Variants in ZNF546 observed in about 807,000 individuals in gnomAD.
ZNF546 encodes CTC-471F3.6.
In ZNF546, 60 loss-of-function variants were observed where a neutral mutation model predicts 76.2. The ratio of observed to expected loss-of-function variants is 0.79; its 90% CI spans 0.64 to 0.98. The LOEUF is 0.98. Ranked by LOEUF, ZNF546 falls within the 50% of genes least tolerant of loss-of-function variation. The pLI is 0.00. For synonymous variants in ZNF546, 277 were observed against 328.1 expected, an observed-to-expected ratio of 0.84 and a Z score of 1.68; for missense variants, 936 against 1,035.6, an observed-to-expected ratio of 0.90 and a Z score of 1.32.
Position 40,014,803 on chromosome 19 carries a change from T to C in ZNF546, c.1533T>C (p.His511=), listed in dbSNP as rs775895021. 3 of 1,611,616 alleles carry C rather than the reference T, an allele frequency of 1.9e-6. No homozygotes were observed. The highest frequency in any genetic ancestry group is 1.7e-5 in the Admixed American group (1 of 59,756). Residue 511 remains histidine, a synonymous_variant, in exon 7 of 7, where the codon CAT becomes CAC. Transcript: ENST00000347077. Reference sequence around the variant, plus strand: ...GAAAAACCTTCAGTAGTCGCTATCATCTCACTCAACACTACAGAATTCATA... The same window carrying C: ...GAAAAACCTTCAGTAGTCGCTATCACCTCACTCAACACTACAGAATTCATA... ...ECGKTFSSRY[H]LTQHYRIHTG...
Position 40,020,123 on chromosome 19 carries a change from G to A in ZNF546, c.*4342G>A, listed in dbSNP as rs1201928447. 2.0e-5 allele frequency: 3 copies of A among 152,126 alleles called. No individual in the cohort carries two copies. Among genetic ancestry groups the A allele is most frequent in the South Asian group, 2.1e-4 (1 of 4,818 alleles). The allele number at this position is 152,126 out of a possible 1,614,324, so 9.4% of individuals were successfully genotyped here. A position where few individuals can be genotyped will look rare whatever the true frequency, so the allele number is the denominator to read the frequency against. ...TAGATTTAATGGCATGTAGGGGTTT[G>A]CGTGAATATATACAGTTGAAATTCA... On this transcript the variant is annotated 3_prime_UTR_variant, in exon 7 of 7. Transcript: ENST00000347077.
Position 40,014,739 on chromosome 19 carries a change from C to T in ZNF546, c.1469C>T (p.Thr490Ile). Residue 490 changes from threonine (T) to isoleucine (I), a missense_variant, in exon 7 of 7, where the codon ACT (threonine) becomes ATT (isoleucine). Thr to Ile is a moderately conservative substitution (Grantham distance 89, BLOSUM62 -1). Coordinates refer to ENST00000347077, the MANE Select transcript of ZNF546 (RefSeq NM_178544.5). ...CGYQLTLHLR[T>I]HTGEIPYECK... ...TATCAACTTACTTTACATCTGAGAA[C>T]TCACACCGGTGAGATTCCCTATGAA... 1 of 1,610,062 alleles carries T rather than the reference C, an allele frequency of 6.2e-7. No individual in the cohort carries two copies. The highest frequency in any genetic ancestry group is 8.5e-7 in the Non-Finnish European group (1 of 1,178,962).
At chr19:40,011,578 A>C (rs538448114) in intron 6 of ZNF546, among the ~76,000 whole-genome samples, 1 of 152,288 alleles carries the variant, frequency 6.6e-6, no homozygotes, top group Admixed American at 6.5e-5. Flanking sequence ...ATTGTACACA[A>C]ACTCTTCCAG....
intron 4 of ZNF546, 72 bp downstream of exon 4, chr19:40,006,254 T>A: frequency 7.3e-7 from 1 of 1,366,022 alleles, no homozygotes; most frequent in South Asian, 1.2e-5. Flanking sequence ...CTCGTTATCT[T>A]GAGACTTCCT....
In ZNF546 at chr19:40,016,591, GT is replaced by G. The variant is rs1247803010; in HGVS notation, c.*816del. The G allele has an allele frequency of 6.6e-6, 1 of 152,080 alleles. No individual in the cohort carries two copies. Among genetic ancestry groups the G allele is most frequent in the Non-Finnish European group, 1.5e-5 (1 of 67,998 alleles). 9.4% of individuals were successfully genotyped at this position (152,080 alleles called of 1,614,324 possible). On this transcript the variant is annotated 3_prime_UTR_variant, in exon 7 of 7. Coordinates refer to ENST00000347077, the MANE Select transcript of ZNF546 (RefSeq NM_178544.5). ...ACAGACATACAAAATAAAAGCCCCA[GT>G]TTTTTATTATGGTATTTAACTGAGT...
Position 40,014,994 on chromosome 19 carries a change from A to G in ZNF546, c.1724A>G (p.His575Arg), listed in dbSNP as rs1266183366. 6.2e-7 allele frequency: 1 copy of G among 1,614,026 alleles called. No individual in the cohort carries two copies. Among genetic ancestry groups the G allele is most frequent in the Non-Finnish European group, 8.5e-7 (1 of 1,179,998 alleles). ...CAATTTATTTCACACCAGCGAATTC[A>G]CACCAGTGAGAGCACCTACATATGT... ...SNQFISHQRIHTSESTYICKE... is the reference protein window; with the variant it reads ...SNQFISHQRIRTSESTYICKE... Residue 575 changes from histidine (H) to arginine (R), a missense_variant, in exon 7 of 7, where the codon CAC (histidine) becomes CGC (arginine). Transcript: ENST00000347077.
chr19:40,001,616 C>A (rs1346119715), intron 3 of ZNF546, among the ~76,000 whole-genome samples: 1 of 152,116 alleles, frequency 6.6e-6, no homozygotes, highest in Admixed American at 6.5e-5. Flanking sequence ...CCCACCTCAG[C>A]CTCCCAAAGT....
chr19:40,013,526 C>T (rs1971697687), intron 6 of ZNF546, 139 bp from the exon 7 acceptor site: 2 of 788,210 alleles, frequency 2.5e-6, no homozygotes, highest in South Asian at 4.5e-5. Context: ...TGCTCTAAAC[C>T]ATTTATTTCT....
chr19:40,011,503 C>A (rs557718234), intron 6 of ZNF546, among the ~76,000 whole-genome samples: 1 of 152,284 alleles, frequency 6.6e-6, no homozygotes, highest in Middle Eastern at 3.4e-3. Flanking sequence ...GGATTACAGG[C>A]GTGAGCCACT....
rs1379033105 is a variant in ZNF546, at chr19:40,017,685, G to A, written c.*1904G>A. The A allele has an allele frequency of 2.6e-5, 4 of 152,066 alleles. No individual in the cohort carries two copies. The South Asian group carries it at 6.2e-4, about 24-fold the overall frequency. The allele number at this position is 152,066 out of a possible 1,614,324, so 9.4% of individuals were successfully genotyped here. A position where few individuals can be genotyped will look rare whatever the true frequency, so the allele number is the denominator to read the frequency against. ...CCGCCATTGTTAGCACATTTTATGT[G>A]TAGCCCAAGATAATTCTTCTTCCAG... On this transcript the variant is annotated 3_prime_UTR_variant, in exon 7 of 7. Transcript: ENST00000347077.
At chr19:40,013,153 T>C (rs1208356909) in intron 6 of ZNF546, among the ~76,000 whole-genome samples, 1 of 152,152 alleles carries the variant, frequency 6.6e-6, no homozygotes, top group Non-Finnish European at 1.5e-5. Flanking sequence ...TTCTGAGGTA[T>C]TTTGCCTTCT....
In ZNF546 at chr19:40,015,004, G is replaced by C. The variant is rs759079102; in HGVS notation, c.1734G>C (p.Glu578Asp). The C allele has an allele frequency of 1.9e-6, 3 of 1,614,068 alleles. No homozygotes were observed. Among genetic ancestry groups the C allele is most frequent in the Admixed American group, 3.3e-5 (2 of 60,010 alleles). ...FISHQRIHTS[E>D]STYICKECGK... ...CACACCAGCGAATTCACACCAGTGAGAGCACCTACATATGTAAAGAATGTG... is the reference window on the plus strand; with the variant it reads ...CACACCAGCGAATTCACACCAGTGACAGCACCTACATATGTAAAGAATGTG... The change falls in exon 7 of 7, where the codon GAG (glutamate) becomes GAC (aspartate). Residue 578 changes from glutamate (E) to aspartate (D), a missense_variant. Physicochemically the swap from Glu to Asp is conservative, Grantham distance 45 (BLOSUM62 2). Transcript: ENST00000347077.
chr19:40,015,938 A>G lies in ZNF546; in HGVS notation c.*157A>G. On this transcript the variant is annotated 3_prime_UTR_variant, in exon 7 of 7. Coordinates refer to ENST00000347077, the MANE Select transcript of ZNF546 (RefSeq NM_178544.5). Reference sequence around the variant, plus strand: ...TGTTAAAGAGTCGAAAGACTATAGCATCACTCAGTCCCTGTTAGACTTTAG... The same window carrying G: ...TGTTAAAGAGTCGAAAGACTATAGCGTCACTCAGTCCCTGTTAGACTTTAG... 1.4e-6 allele frequency: 1 copy of G among 697,496 alleles called. No homozygotes were observed. Among genetic ancestry groups the G allele is most frequent in the Non-Finnish European group, 2.4e-6 (1 of 409,608 alleles). The allele number at this position is 697,496 out of a possible 1,614,324, so 43.2% of individuals were successfully genotyped here.
chr19:40,013,615 C>CATTATAGCATT (rs1971698813), intron 6 of ZNF546, 50 bp from the exon 7 acceptor site: 1 of 1,418,192 alleles, frequency 7.1e-7, no homozygotes, highest in African/African-American at 1.5e-5. Context: ...AGAAAAATAG[C>CATTATAGCATT]ATTATAGCAT....
intron 6 of ZNF546, among the ~76,000 whole-genome samples, chr19:40,012,064 C>G (rs1971678629): frequency 6.6e-6 from 1 of 152,142 alleles, no homozygotes; most frequent in South Asian, 2.1e-4. Context: ...ACTCTACTAG[C>G]CAGGACCTGC....
rs568682827 is a variant in ZNF546, at chr19:40,020,064, G to A, written c.*4283G>A. On this transcript the variant is annotated 3_prime_UTR_variant, in exon 7 of 7. Transcript: ENST00000347077. ...AAGCAGTTTTGTGAAAAGCCTTCCC[G>A]GTAAGAATACAAAAGCATCTGCACC... The A allele has an allele frequency of 2.6e-5, 4 of 152,052 alleles. No individual in the cohort carries two copies. The highest frequency in any genetic ancestry group is 5.9e-5 in the Non-Finnish European group (4 of 67,990). 9.4% of individuals were successfully genotyped at this position (152,052 alleles called of 1,614,324 possible).
At chr19:40,013,005 G>C (rs113871879) in intron 6 of ZNF546, among the ~76,000 whole-genome samples, 105 of 151,952 alleles carry the variant, frequency 6.9e-4, no homozygotes, top group African/African-American at 2.4e-3. Context: ...AGTAGAGACG[G>C]GGTTTCACCA....
rs1302954615 is a variant in ZNF546 at position 40,015,165 on chromosome 19, C to T, written c.1895C>T (p.Thr632Ile). Reference protein sequence around the residue: ...TELTQHHRIHTGEKPYKCTEC... With the variant: ...TELTQHHRIHIGEKPYKCTEC... Reference sequence around the variant, plus strand: ...CTTACTCAGCATCACAGAATTCATACTGGTGAAAAACCCTATAAATGTACA... The same window carrying T: ...CTTACTCAGCATCACAGAATTCATATTGGTGAAAAACCCTATAAATGTACA... The change falls in exon 7 of 7, where the codon ACT (threonine) becomes ATT (isoleucine). Residue 632 changes from threonine to isoleucine, a missense_variant. Physicochemically the swap from Thr to Ile is moderately conservative, Grantham distance 89. Coordinates refer to ENST00000347077, the MANE Select transcript of ZNF546 (RefSeq NM_178544.5). 1.9e-6 allele frequency: 3 copies of T among 1,613,930 alleles called. No individual in the cohort carries two copies. The African/African-American group carries it at 4.0e-5, about 22-fold the overall frequency.
In ZNF546 at chr19:40,020,690, T is replaced by C. The variant is rs1346239517; in HGVS notation, c.*4909T>C. 1.3e-5 allele frequency: 2 copies of C among 152,184 alleles called. No individual in the cohort carries two copies. The allele number at this position is 152,184 out of a possible 1,614,324, so 9.4% of individuals were successfully genotyped here. On this transcript the variant is annotated 3_prime_UTR_variant, in exon 7 of 7. Transcript: ENST00000347077. ...TAATTTTATCTAGTGCATGATAAAC[T>C]TTACTAAGGAAGTCTCATTCAGAAT...
Sources: allele counts gnomAD v4.1 joint callset (sites outside exome capture counted in the v4.1 genomes callset), GRCh38; gene constraint gnomAD v4.1.1; transcripts MANE v1.5; gene names NCBI Gene and HGNC (gene_info 2026-07-23, HGNC 2026-07-21).